The following ABLIM3 variants were observed in gnomAD, a reference collection of about 807,000 sequenced individuals.
The protein encoded by ABLIM3 is actin-binding LIM protein 3.
Under a neutral mutation model 109.5 loss-of-function variants are expected in ABLIM3, and 61 were observed. That is an observed-to-expected ratio of 0.56 (90% CI 0.45 to 0.69). The LOEUF is 0.69. Among genes scored for constraint, ABLIM3 ranks in the 30% least tolerant of loss-of-function variants. The pLI, the probability that ABLIM3 is intolerant of heterozygous loss-of-function variation, is 0.00. For missense variants in ABLIM3, 796 were observed against 889.5 expected (o/e 0.89, Z 1.34); for synonymous variants, 300 against 324.8 (o/e 0.92, Z 0.82).
intron 8 of ABLIM3, among the ~76,000 whole-genome samples, chr5:149,225,170 C>CAATGT (rs1199396422): frequency 1.3e-5 from 2 of 152,176 alleles, no homozygotes; most frequent in East Asian, 3.8e-4. Context: ...TCTCATAACA[C>CAATGT]AAAATTAACC....
chr5:149,225,669 A>G (rs1761111277), intron 8 of ABLIM3, among the ~76,000 whole-genome samples: 1 of 152,016 alleles, frequency 6.6e-6, no homozygotes, highest in African/African-American at 2.4e-5. Flanking sequence ...GTGGTATACA[A>G]TGCACCCAAT....
chr5:149,237,258 C>G (rs923661998), intron 10 of ABLIM3, among the ~76,000 whole-genome samples, 190 bp from the exon 11 acceptor site: 1 of 152,204 alleles, frequency 6.6e-6, no homozygotes, highest in South Asian at 2.1e-4. Context: ...AATGTTAGCC[C>G]TGTTGGAATG....
intron 15 of ABLIM3, chr5:149,244,592 T>G (rs112917101): frequency 6.9e-6 from 3 of 433,918 alleles, no homozygotes; most frequent in African/African-American, 3.9e-5. Context: ...TGGAATGTGC[T>G]GGAAAGAGCC....
intron 2 of ABLIM3, among the ~76,000 whole-genome samples, chr5:149,167,154 ACCC>A (rs1414033392): frequency 6.6e-6 from 1 of 152,068 alleles, no homozygotes; most frequent in African/African-American, 2.4e-5. Context: ...AGTCCCTGAG[ACCC>A]CTTGAGGAGT....
At chr5:149,251,832 T>C (rs1753956800) in intron 21 of ABLIM3, among the ~76,000 whole-genome samples, 1 of 152,228 alleles carries the variant, frequency 6.6e-6, no homozygotes. Flanking sequence ...CCAGCTCCTA[T>C]GAGCAAGCTC....
chr5:149,209,692 G>A (rs1307662669), intron 6 of ABLIM3, among the ~76,000 whole-genome samples: 2 of 152,230 alleles, frequency 1.3e-5, no homozygotes, highest in African/African-American at 4.8e-5. Flanking sequence ...CCCACAGAGT[G>A]AGAACCTGAT....
intron 2 of ABLIM3, among the ~76,000 whole-genome samples, chr5:149,178,365 G>C (rs971141840): frequency 8.5e-5 from 13 of 152,184 alleles, no homozygotes; most frequent in Admixed American, 7.9e-4. Flanking sequence ...CTGGGCCCTG[G>C]GCTGCTGTGT....
At chr5:149,236,979 T>C (rs1581207268) in intron 10 of ABLIM3, among the ~76,000 whole-genome samples, 2 of 152,312 alleles carry the variant, frequency 1.3e-5, no homozygotes, top group East Asian at 3.9e-4. Flanking sequence ...ATTTTTGTCT[T>C]TACCATCTTC....
intron 7 of ABLIM3, among the ~76,000 whole-genome samples, chr5:149,216,342 T>C (rs1294809812): frequency 1.3e-5 from 2 of 152,202 alleles, no homozygotes; most frequent in Admixed American, 1.3e-4. Context: ...GCATGTAACC[T>C]GAAAATAAAT....
intron 2 of ABLIM3, among the ~76,000 whole-genome samples, chr5:149,178,126 C>T (rs1756126157): frequency 6.6e-6 from 1 of 151,846 alleles, no homozygotes; most frequent in Admixed American, 6.6e-5. Flanking sequence ...GGCCCTGGCT[C>T]AACTCTGAAA....
chr5:149,214,794 T>C (rs1348594519), intron 7 of ABLIM3, among the ~76,000 whole-genome samples: 1 of 152,198 alleles, frequency 6.6e-6, no homozygotes, highest in Non-Finnish European at 1.5e-5. Flanking sequence ...GTGTCACTCC[T>C]TCCATCCCTG....
intron 5 of ABLIM3, 133 bp from the exon 6 acceptor site, chr5:149,206,875 A>C: frequency 2.7e-6 from 3 of 1,108,180 alleles, no homozygotes; most frequent in East Asian, 3.1e-5. Context: ...GCCTCTGGGA[A>C]GCTTCCAGTG....
At chr5:149,232,231 G>C (rs955081514) in intron 9 of ABLIM3, among the ~76,000 whole-genome samples, 4 of 152,212 alleles carry the variant, frequency 2.6e-5, no homozygotes, top group Non-Finnish European at 5.9e-5. Flanking sequence ...ACTTGAAAAT[G>C]AGAGGCAGAG....
Position 149,242,476 on chromosome 5 carries a change from T to C in ABLIM3, c.1304-15T>C, listed in dbSNP as rs184892879. The C allele has an allele frequency of 7.4e-5, 120 of 1,614,008 alleles. 1 individual carries two copies. The highest frequency in any genetic ancestry group is 4.9e-4 in the Middle Eastern group (3 of 6,062). ...CTCTCCCCTCCCCACTGTCCCTTCC[T>C]GGTCTGTCTGGCAGCTGGAGACAGT... On this transcript the variant is annotated splice_polypyrimidine_tract_variant and intron_variant, in intron 14 of 23. Transcript: ENST00000309868.
intron 3 of ABLIM3, among the ~76,000 whole-genome samples, chr5:149,194,947 A>G (rs1385103357): frequency 1.3e-5 from 2 of 152,318 alleles, no homozygotes; most frequent in South Asian, 2.1e-4. Context: ...TACATATTCT[A>G]TACATTTTCT....
Position 149,198,352 on chromosome 5 carries a change from G to T in ABLIM3, c.285G>T (p.Ser95=), listed in dbSNP as rs770441625. The T allele has an allele frequency of 1.2e-6, 2 of 1,613,922 alleles. No individual in the cohort carries two copies. Among genetic ancestry groups the T allele is most frequent in the Non-Finnish European group, 1.7e-6 (2 of 1,179,944 alleles). ...CRDFITGEVI[S]ALGRTYHPKC... is the part of the protein sequence containing the mutation. ...ACTTCATCACAGGCGAAGTCATCTC[G>T]GCCCTGGGCCGCACTTACCACCCCA... Residue 95 remains serine, a synonymous_variant, in exon 4 of 24, where the codon TCG becomes TCT. Coordinates refer to ENST00000309868, the MANE Select transcript of ABLIM3 (RefSeq NM_014945.5). The surrounding 1 kb of genome is among the most constrained non-coding windows in gnomAD (Gnocchi z 4.2).
intron 2 of ABLIM3, among the ~76,000 whole-genome samples, chr5:149,154,441 G>A (rs1442437840): frequency 2.6e-5 from 4 of 152,192 alleles, no homozygotes; most frequent in East Asian, 1.9e-4. Context: ...TTGAGAGGCA[G>A]CATTTCAGGA....
At chr5:149,239,109 T>C (rs1397193481) in intron 11 of ABLIM3, 139 bp from the exon 12 acceptor site, 1 of 790,370 alleles carries the variant, frequency 1.3e-6, no homozygotes, top group Admixed American at 1.9e-5. Context: ...CCAGCGAGGC[T>C]GTTATCTGGA....
At chr5:149,239,302 G>A (rs781622391) in intron 12 of ABLIM3, 25 bp downstream of exon 12, 4 of 1,611,664 alleles carry the variant, frequency 2.5e-6, no homozygotes, top group Admixed American at 1.7e-5. Context: ...AGAGAATTAA[G>A]TTGATATATA....
Sources: gnomAD v4.1 joint callset for allele counts (sites outside exome capture counted in the v4.1 genomes callset) on GRCh38, gnomAD v4.1.1 for gene constraint, Gnocchi (gnomAD v3.1) non-coding constraint, MANE v1.5 for transcripts, NCBI Gene and HGNC (gene_info 2026-07-23, HGNC 2026-07-21) for gene names.